CDK2AP1: variants seen among roughly 807,000 people sequenced by gnomAD.
The protein encoded by CDK2AP1 is cyclin dependent kinase 2 associated protein 1, also known as cyclin-dependent kinase 2-associated protein 1.
Under a neutral mutation model 14.1 loss-of-function variants are expected in CDK2AP1, and 10 were observed. That is an observed-to-expected ratio of 0.71 (90% CI 0.44 to 1.20). CDK2AP1 has a LOEUF of 1.20. Ranked by LOEUF, CDK2AP1 falls within the 50% of genes most tolerant of loss-of-function variation. CDK2AP1 has a pLI of 0.00. For missense variants in CDK2AP1, 102 were observed against 149.9 expected (o/e 0.68, Z 1.67); for synonymous variants, 59 against 59.8 (o/e 0.99, Z 0.06).
At chr12:123,271,222 C>T (rs1355947889) in intron 1 of CDK2AP1, 2 of 157,530 alleles carry the variant, frequency 1.3e-5, no homozygotes, top group Admixed American at 1.3e-4. Flanking sequence ...GGGGCCCTCG[C>T]CGAGCCGCCC....
rs1208028997 is a variant in CDK2AP1 at position 123,261,380 on chromosome 12, G to A, written c.*356C>T. On this transcript the variant is annotated 3_prime_UTR_variant, in exon 4 of 4. Coordinates refer to ENST00000261692, the MANE Select transcript of CDK2AP1 (RefSeq NM_004642.4). ...TACAGTGGTATTAGCTTATGAAAAGGAACAAAGAACACCATGGGTAACAAA... is the reference window on the plus strand; with the variant it reads ...TACAGTGGTATTAGCTTATGAAAAGAAACAAAGAACACCATGGGTAACAAA... The A allele has an allele frequency of 9.2e-6, 2 of 216,468 alleles. No individual in the cohort carries two copies. Among genetic ancestry groups the A allele is most frequent in the African/African-American group, 4.7e-5 (2 of 42,660 alleles). The allele number at this position is 216,468 out of a possible 1,614,324, so 13.4% of individuals were successfully genotyped here. A position where few individuals can be genotyped will look rare whatever the true frequency, so the allele number is the denominator to read the frequency against.
At chr12:123,267,388 G>A (rs950707710) in intron 1 of CDK2AP1, 106 bp from the exon 2 acceptor site, 3 of 720,836 alleles carry the variant, frequency 4.2e-6, no homozygotes, top group East Asian at 2.6e-5. Flanking sequence ...ACCACCAACT[G>A]TAGCAGGATG....
At chr12:123,266,406 G>A (rs2048294241) in intron 2 of CDK2AP1, among the ~76,000 whole-genome samples, 1 of 152,270 alleles carries the variant, frequency 6.6e-6, no homozygotes, top group African/African-American at 2.4e-5. Flanking sequence ...CCTGGGGCAG[G>A]GCAGCCTGGT....
intron 1 of CDK2AP1, among the ~76,000 whole-genome samples, 179 bp downstream of exon 1, chr12:123,271,385 C>T (rs938867664): frequency 6.8e-6 from 1 of 147,220 alleles, no homozygotes; most frequent in African/African-American, 2.4e-5. Flanking sequence ...CGGGGCGCAC[C>T]AGAGAACTTT....
At chr12:123,263,291 C>T (rs187500416) in intron 3 of CDK2AP1, among the ~76,000 whole-genome samples, 1 of 152,024 alleles carries the variant, frequency 6.6e-6, no homozygotes, top group Non-Finnish European at 1.5e-5. Flanking sequence ...ACCTACAATG[C>T]TCCTAGCTCC....
intron 1 of CDK2AP1, among the ~76,000 whole-genome samples, chr12:123,268,604 A>C (rs755174059): frequency 6.6e-6 from 1 of 152,222 alleles, no homozygotes; most frequent in African/African-American, 2.4e-5. Context: ...CTGGAACTGC[A>C]AACGTGGACT....
intron 1 of CDK2AP1, among the ~76,000 whole-genome samples, chr12:123,269,531 C>CA (rs1163617099): frequency 6.6e-6 from 1 of 152,256 alleles, no homozygotes; most frequent in Non-Finnish European, 1.5e-5. Flanking sequence ...CGGCGCATCT[C>CA]AGACAATGAG....
chr12:123,271,594 C>A lies in CDK2AP1; in HGVS notation c.25G>T (p.Ala9Ser). The A allele has an allele frequency of 9.9e-7, 1 of 1,007,734 alleles. No homozygotes were observed. Among genetic ancestry groups the A allele is most frequent in the Non-Finnish European group, 1.2e-6 (1 of 845,010 alleles). The allele number at this position is 1,007,734 out of a possible 1,614,324, so 62.4% of individuals were successfully genotyped here. Residue 9 changes from alanine (A) to serine (S), a missense_variant, in exon 1 of 4, where the codon GCG becomes TCG. Ala to Ser is a moderately conservative substitution (Grantham distance 99, BLOSUM62 1). Around this residue, in one of 2 missense-constraint regions of CDK2AP1, gnomAD observed 50 missense variants for 42.7 expected, o/e 1.17. Coordinates refer to ENST00000261692, the MANE Select transcript of CDK2AP1 (RefSeq NM_004642.4). MSYKPNLAAHMPAAALNAA... is the reference protein window; with the variant it reads MSYKPNLASHMPAAALNAA... The stretch of plus-strand genomic sequence containing the variant: ...TTGAGGGCGGCGGCGGGCATGTGCG[C>A]GGCCAAGTTCGGTTTGTAAGACATC...
At chr12:123,267,397 T>G in intron 1 of CDK2AP1, 115 bp from the exon 2 acceptor site, 1 of 695,592 alleles carries the variant, frequency 1.4e-6, no homozygotes, top group Middle Eastern at 2.5e-4. Flanking sequence ...TGTAGCAGGA[T>G]GGAGAACCCT....
Position 123,265,252 on chromosome 12 carries a change from T to C in CDK2AP1, c.224A>G (p.Lys75Arg). Residue 75 changes from lysine (K) to arginine (R), a missense_variant, in exon 3 of 4, where the codon AAG becomes AGG. Around this residue, in one of 2 missense-constraint regions of CDK2AP1, gnomAD observed 52 missense variants for 107.2 expected, o/e 0.48. Transcript: ENST00000261692. This position sits in a 1 kb window ranked among gnomAD's most constrained non-coding sequence, Gnocchi z 5.3. Reference protein sequence around the residue: ...ELLAIIEELGKEIRPTYAGSK... With the variant: ...ELLAIIEELGREIRPTYAGSK... ...CCCTGCGTACGTGGGTCTGATCTCC[T>C]TCCCCAGCTCTTCAATGATGGCCAG... 4.3e-6 allele frequency: 7 copies of C among 1,613,856 alleles called. No individual in the cohort carries two copies. The highest frequency in any genetic ancestry group is 5.9e-6 in the Non-Finnish European group (7 of 1,179,766).
chr12:123,271,056 AGCCCCGC>A, intron 1 of CDK2AP1: 1 of 953,942 alleles, frequency 1.0e-6, no homozygotes, highest in Non-Finnish European at 1.2e-6. Context: ...GCAGCCCCGC[AGCCCCGC>A]AGCCCTCCAT....
chr12:123,268,759 G>A (rs551713002), intron 1 of CDK2AP1, among the ~76,000 whole-genome samples: 15 of 152,280 alleles, frequency 9.9e-5, no homozygotes, highest in Admixed American at 5.9e-4. Flanking sequence ...CAACGCCCAC[G>A]ATATCTGGCA....
chr12:123,270,825 A>T (rs1487028490), intron 1 of CDK2AP1: 1 of 984,360 alleles, frequency 1.0e-6, no homozygotes, highest in Non-Finnish European at 1.2e-6. Flanking sequence ...CACTGCCCCC[A>T]CGCCCGCGCG....
In CDK2AP1 at chr12:123,265,507, GAA is replaced by G. The variant is rs55960300; in HGVS notation, c.154-187_154-186del. On this transcript the variant is annotated intron_variant, in intron 2 of 3. Transcript: ENST00000261692. The surrounding 1 kb of genome is among the most constrained non-coding windows in gnomAD (Gnocchi z 5.3). Reference sequence around the variant, plus strand: ...AACAGAGCGAGACTCCATCTCGGGGGAAAAAAAAAAAAAAGGGTTCAGCAGCC... The same window carrying G: ...AACAGAGCGAGACTCCATCTCGGGGGAAAAAAAAAAAAGGGTTCAGCAGCC... 1.4e-3 allele frequency among the ~76,000 whole-genome samples: 199 copies of G among 140,372 alleles called. No homozygotes were observed. Among genetic ancestry groups the G allele is most frequent in the Non-Finnish European group, 1.6e-3 (103 of 65,300 alleles). 92.1% of individuals were successfully genotyped at this position (140,372 alleles called of 152,430 possible).
At chr12:123,271,083 C>G in intron 1 of CDK2AP1, 1 of 911,498 alleles carries the variant, frequency 1.1e-6, no homozygotes, top group African/African-American at 1.8e-5. Flanking sequence ...TCCGCGCCCG[C>G]CCGCGCGGGT....
intron 3 of CDK2AP1, among the ~76,000 whole-genome samples, chr12:123,264,462 C>CAAAACAAAAAA (rs2048267252): frequency 1.4e-5 from 1 of 69,888 alleles, no homozygotes; most frequent in Non-Finnish European, 2.4e-5. Flanking sequence ...CTCCGTCTCC[C>CAAAACAAAAAA]AAAAAAAAAA....
In CDK2AP1 at chr12:123,261,262, G is replaced by T. The variant is rs6633; in HGVS notation, c.*474C>A. 24,888 of 153,260 alleles carry T rather than the reference G, an allele frequency of 0.16. 2,365 individuals are homozygous for T. The highest frequency in any genetic ancestry group is 0.26 in the Middle Eastern group (77 of 294). 9.5% of individuals were successfully genotyped at this position (153,260 alleles called of 1,614,324 possible). On this transcript the variant is annotated 3_prime_UTR_variant, in exon 4 of 4. Coordinates refer to ENST00000261692, the MANE Select transcript of CDK2AP1 (RefSeq NM_004642.4). ...GTCATGCAAATGCTTAAGCAAAAAA[G>T]AAGTTACATTAAGCAGAACCTACAT...
At chr12:123,267,814 A>G (rs2048312392) in intron 1 of CDK2AP1, 1 of 156,400 alleles carries the variant, frequency 6.4e-6, no homozygotes, top group African/African-American at 2.4e-5. Flanking sequence ...TGGACATCAA[A>G]TCAGAAATCT....
At chr12:123,263,654 C>T (rs2048257050) in intron 3 of CDK2AP1, among the ~76,000 whole-genome samples, 1 of 152,214 alleles carries the variant, frequency 6.6e-6, no homozygotes, top group Admixed American at 6.5e-5. Context: ...GTAGTCCCAA[C>T]CTAGCTTTGA....
Sources: gnomAD v4.1 joint callset for allele counts (sites outside exome capture counted in the v4.1 genomes callset) on GRCh38, gnomAD v4.1.1 for gene constraint, gnomAD v4.1.1 regional missense constraint, Gnocchi (gnomAD v3.1) non-coding constraint, MANE v1.5 for transcripts, NCBI Gene and HGNC (gene_info 2026-07-23, HGNC 2026-07-21) for gene names.